SPAG16: variants seen among roughly 807,000 people sequenced by gnomAD.
SPAG16 encodes sperm associated antigen 16, also known as sperm-associated antigen 16 protein.
A neutral mutation model predicts 80.4 loss-of-function variants in SPAG16; 86 were observed. The observed-to-expected ratio is 1.07, with a 90% CI of 0.90 to 1.28. SPAG16 has a LOEUF of 1.28. Ranked by LOEUF, SPAG16 falls within the 50% of genes most tolerant of loss-of-function variation. SPAG16 has a pLI of 0.00. For missense variants in SPAG16, 870 were observed against 765.3 expected (o/e 1.14, Z -1.61); for synonymous variants, 294 against 265.9 (o/e 1.11, Z -1.03).
chr2:213,882,894 G>C (rs180941254), intron 11 of SPAG16, among the ~76,000 whole-genome samples: 1 of 151,438 alleles, frequency 6.6e-6, no homozygotes, highest in African/African-American at 2.4e-5. Context: ...TTTTTGAGAC[G>C]GAGTCTCGCT....
intron 14 of SPAG16, among the ~76,000 whole-genome samples, chr2:214,111,303 T>C (rs1041121437): frequency 6.6e-6 from 1 of 152,192 alleles, no homozygotes; most frequent in Non-Finnish European, 1.5e-5. Flanking sequence ...GAATTAATTT[T>C]TGTATAAGGT....
chr2:214,088,936 T>G (rs2125302856), intron 13 of SPAG16, among the ~76,000 whole-genome samples: 1 of 152,246 alleles, frequency 6.6e-6, no homozygotes, highest in Admixed American at 6.6e-5. Context: ...CCAATTTCAC[T>G]TTGGTATATA....
intron 10 of SPAG16, among the ~76,000 whole-genome samples, chr2:213,764,237 T>C (rs1343513209): frequency 6.6e-6 from 1 of 152,194 alleles, no homozygotes; most frequent in Non-Finnish European, 1.5e-5. Context: ...CTTTGCCTTT[T>C]AGGAGTAATT....
At chr2:213,990,771 T>G (rs1199577725) in intron 12 of SPAG16, among the ~76,000 whole-genome samples, 2 of 152,070 alleles carry the variant, frequency 1.3e-5, no homozygotes, top group Admixed American at 6.6e-5. Context: ...TCATGTAGTT[T>G]AAACCCATGT....
At chr2:213,297,034 G>T (rs2062531643) in intron 2 of SPAG16, 1 of 1,348,532 alleles carries the variant, frequency 7.4e-7, no homozygotes. Flanking sequence ...AAAAGCAGTT[G>T]CCCACAAACT....
intron 12 of SPAG16, among the ~76,000 whole-genome samples, chr2:213,934,521 T>A (rs2078906331): frequency 6.6e-6 from 1 of 152,180 alleles, no homozygotes; most frequent in Admixed American, 6.5e-5. Flanking sequence ...ATTCTAAGTG[T>A]GGAAGAAAGG....
intron 15 of SPAG16, among the ~76,000 whole-genome samples, chr2:214,248,463 G>A (rs1483303681): frequency 4.6e-5 from 7 of 151,782 alleles, no homozygotes; most frequent in East Asian, 3.9e-4. Context: ...GACTGCAGGC[G>A]TGTGACACCA....
intron 10 of SPAG16, among the ~76,000 whole-genome samples, chr2:213,611,621 TAGG>T (rs898658976): frequency 6.6e-6 from 1 of 152,202 alleles, no homozygotes; most frequent in African/African-American, 2.4e-5. Context: ...GCTCTATTTT[TAGG>T]AGATTTGCTA....
chr2:214,030,363 T>C lies in SPAG16; in HGVS notation c.1527+16286T>C, dbSNP rs182350614. On this transcript the variant is annotated intron_variant, in intron 13 of 15. Transcript: ENST00000331683. ...ATGTATATACCATATGATCCAGCAC[T>C]CCCATGTTCATTACAGCATTATTCA... is the stretch of plus-strand genomic sequence containing the variant. 2.6e-5 allele frequency among the ~76,000 whole-genome samples: 4 copies of C among 152,242 alleles called. No homozygotes were observed. The East Asian group carries it at 7.7e-4, about 29-fold the overall frequency.
chr2:213,669,505 C>A (rs1300320496), intron 10 of SPAG16, among the ~76,000 whole-genome samples: 1 of 152,132 alleles, frequency 6.6e-6, no homozygotes, highest in African/African-American at 2.4e-5. Flanking sequence ...TAGTTAAGCA[C>A]AAAACTGTGT....
At chr2:213,708,804 A>T (rs1441989981) in intron 10 of SPAG16, among the ~76,000 whole-genome samples, 3 of 152,170 alleles carry the variant, frequency 2.0e-5, no homozygotes, top group African/African-American at 7.2e-5. Context: ...GGAAAAAAGT[A>T]CTGGGGTATC....
At chr2:214,041,464 T>TA (rs397813274) in intron 13 of SPAG16, among the ~76,000 whole-genome samples, 3 of 151,558 alleles carry the variant, frequency 2.0e-5, no homozygotes, top group East Asian at 1.9e-4. Flanking sequence ...TTTTTTTTTT[T>TA]AAATCATGGC....
intron 6 of SPAG16, among the ~76,000 whole-genome samples, chr2:213,344,545 A>G (rs2124993962): frequency 6.6e-6 from 1 of 152,160 alleles, no homozygotes; most frequent in South Asian, 2.1e-4. Context: ...ACACCCCACA[A>G]CAGGCCCCGG....
chr2:214,147,304 C>T (rs551228903), intron 14 of SPAG16, among the ~76,000 whole-genome samples: 5 of 152,212 alleles, frequency 3.3e-5, no homozygotes, highest in Middle Eastern at 3.4e-3. Context: ...CTCATTTTCA[C>T]ACAATAACAA....
In SPAG16 at chr2:213,911,453, C is replaced by A. The variant is rs117964843; in HGVS notation, c.1215-18507C>A. On this transcript the variant is annotated intron_variant, in intron 11 of 15. Coordinates refer to ENST00000331683, the MANE Select transcript of SPAG16 (RefSeq NM_024532.5). ...TGCCACGGTGCCCTGCCAATAGTTA[C>A]AAGCTCTTATGTTTCTATAGTTATG... is the stretch of plus-strand genomic sequence containing the variant. 8.5e-5 allele frequency among the ~76,000 whole-genome samples: 13 copies of A among 152,290 alleles called. No individual in the cohort carries two copies. The East Asian group carries it at 2.3e-3, about 27-fold the overall frequency.
chr2:214,033,856 A>T (rs1458632848), intron 13 of SPAG16, among the ~76,000 whole-genome samples: 1 of 152,180 alleles, frequency 6.6e-6, no homozygotes, highest in Non-Finnish European at 1.5e-5. Context: ...TCTTAGAAAA[A>T]TTATCCAATT....
chr2:214,010,527 T>C (rs1510549), intron 12 of SPAG16, among the ~76,000 whole-genome samples: 140,268 of 145,536 alleles, frequency 0.96, 68,662 homozygotes, highest in East Asian at 1. Context: ...GGCTCTTGGG[T>C]GTAAACAGCA....
At chr2:213,351,411 C>T (rs2065319566) in intron 7 of SPAG16, among the ~76,000 whole-genome samples, 1 of 152,050 alleles carries the variant, frequency 6.6e-6, no homozygotes, top group Admixed American at 6.6e-5. Context: ...AATAAAAACT[C>T]CCTCATAGGT....
intron 15 of SPAG16, chr2:214,250,005 A>G (rs563445808): frequency 6.6e-6 from 1 of 152,298 alleles, no homozygotes; most frequent in South Asian, 2.1e-4. Flanking sequence ...AGTTCCGCTG[A>G]TGTTCACTTT....
Sources: gnomAD v4.1 joint callset for allele counts (sites outside exome capture counted in the v4.1 genomes callset) on GRCh38, gnomAD v4.1.1 for gene constraint, MANE v1.5 for transcripts, NCBI Gene and HGNC (gene_info 2026-07-23, HGNC 2026-07-21) for gene names.